The following IMMP2L variants were observed in gnomAD, a reference collection of about 807,000 sequenced individuals.
IMMP2L encodes the protein mitochondrial inner membrane protease subunit 2.
In IMMP2L, 18 loss-of-function variants were observed where a neutral mutation model predicts 19.3. The ratio of observed to expected loss-of-function variants is 0.93; its 90% CI spans 0.64 to 1.38. The LOEUF (loss-of-function observed/expected upper bound fraction) is 1.38, where lower values mean the gene tolerates loss of function less well. IMMP2L is among the 40% of genes most tolerant of loss of function. The pLI, the probability that IMMP2L is intolerant of heterozygous loss-of-function variation, is 0.00. For synonymous variants in IMMP2L, 76 were observed against 73.0 expected, an observed-to-expected ratio of 1.04 and a Z score of -0.21; for missense variants, 233 against 218.2, an observed-to-expected ratio of 1.07 and a Z score of -0.43.
intron 3 of IMMP2L, among the ~76,000 whole-genome samples, chr7:111,450,054 T>TA (rs1838960955): frequency 1.3e-5 from 2 of 151,320 alleles, no homozygotes; most frequent in South Asian, 4.2e-4. Flanking sequence ...CTCAAGGAAA[T>TA]AAAGGAGGAT....
intron 3 of IMMP2L, among the ~76,000 whole-genome samples, chr7:111,402,513 C>T (rs954126886): frequency 1.3e-5 from 2 of 151,958 alleles, no homozygotes; most frequent in African/African-American, 4.8e-5. Context: ...GAGTTCAAGA[C>T]CAGCCCAGGC....
chr7:111,290,827 A>AACACACACACAC (rs541375499), intron 3 of IMMP2L, among the ~76,000 whole-genome samples: 40 of 135,088 alleles, frequency 3.0e-4, no homozygotes, highest in African/African-American at 1.0e-3. Context: ...TATATATACA[A>AACACACACACAC]ACACACACAC....
Position 110,803,986 on chromosome 7 carries a change from T to TAACA in IMMP2L, c.408+82606_408+82607insTGTT, listed in dbSNP as rs1801437066. Reference sequence around the variant, plus strand: ...GTTTAAGAACAACTGGTAAAATGGGTACTTGAAAGATGAGAATGAGTTTAT... The same window carrying TAACA: ...GTTTAAGAACAACTGGTAAAATGGGTAACAACTTGAAAGATGAGAATGAGTTTAT... On this transcript the variant is annotated intron_variant, in intron 5 of 5. Coordinates refer to ENST00000405709, the MANE Select transcript of IMMP2L (RefSeq NM_032549.4). This position sits in a 1 kb window ranked among gnomAD's most constrained non-coding sequence, Gnocchi z 4.2. Among the ~76,000 whole-genome samples the TAACA allele has an allele frequency of 1.3e-5, 2 of 151,994 alleles. No homozygotes were observed. Among genetic ancestry groups the TAACA allele is most frequent in the Non-Finnish European group, 2.9e-5 (2 of 67,974 alleles).
At chr7:111,224,853 A>G (rs1424062255) in intron 3 of IMMP2L, among the ~76,000 whole-genome samples, 2 of 152,146 alleles carry the variant, frequency 1.3e-5, no homozygotes, top group African/African-American at 4.8e-5. Flanking sequence ...ACTGCCATGC[A>G]CTGTCATTAA....
chr7:111,138,001 G>GTT (rs577077886), intron 3 of IMMP2L, among the ~76,000 whole-genome samples: 3 of 151,818 alleles, frequency 2.0e-5, no homozygotes, highest in African/African-American at 7.3e-5. Flanking sequence ...ATTTTTGTGG[G>GTT]GTTTTTTTTG....
At chr7:111,554,178 C>T (rs1790991878) in intron 1 of IMMP2L, among the ~76,000 whole-genome samples, 1 of 152,108 alleles carries the variant, frequency 6.6e-6, no homozygotes, top group South Asian at 2.1e-4. Context: ...ACCTCATCCC[C>T]CAGATACTTG....
intron 3 of IMMP2L, among the ~76,000 whole-genome samples, chr7:111,088,673 T>C (rs999221562): frequency 6.6e-6 from 1 of 152,168 alleles, no homozygotes; most frequent in Non-Finnish European, 1.5e-5. Context: ...CACAATTGTA[T>C]TAATTCAAAA....
At chr7:111,026,731 T>A (rs1826866194) in intron 3 of IMMP2L, among the ~76,000 whole-genome samples, 1 of 152,166 alleles carries the variant, frequency 6.6e-6, no homozygotes, top group African/African-American at 2.4e-5. Context: ...AACATCTTTT[T>A]AAATTATTGA....
rs536220141 is a variant in IMMP2L at position 110,844,541 on chromosome 7, ATGCTAAGGTATT to A, written c.408+42040_408+42051del. On this transcript the variant is annotated intron_variant, in intron 5 of 5. Coordinates refer to ENST00000405709, the MANE Select transcript of IMMP2L (RefSeq NM_032549.4). ...TAACAAACGGATGGGGGTCTTTTATATGCTAAGGTATTTGCCCTTCATCCTATGGTTAATCAA... is the reference window on the plus strand; with the variant it reads ...TAACAAACGGATGGGGGTCTTTTATATGCCCTTCATCCTATGGTTAATCAA... Among the ~76,000 whole-genome samples the A allele has an allele frequency of 9.3e-3, 1,416 of 152,040 alleles. 17 individuals are homozygous for A. The highest frequency in any genetic ancestry group is 0.032 in the African/African-American group (1,309 of 41,472).
intron 5 of IMMP2L, among the ~76,000 whole-genome samples, chr7:110,875,099 C>CA (rs1207008465): frequency 6.6e-6 from 1 of 152,024 alleles, no homozygotes; most frequent in Non-Finnish European, 1.5e-5. Context: ...GGAGGGGATT[C>CA]AAAAAGTCAC....
intron 3 of IMMP2L, among the ~76,000 whole-genome samples, chr7:110,978,274 C>G (rs1297657528): frequency 1.3e-5 from 2 of 151,808 alleles, no homozygotes; most frequent in Non-Finnish European, 2.9e-5. Flanking sequence ...GGCTTTTATT[C>G]CAAGTACTTT....
At chr7:110,731,444 C>T (rs1796272668) in intron 5 of IMMP2L, among the ~76,000 whole-genome samples, 1 of 152,072 alleles carries the variant, frequency 6.6e-6, no homozygotes, top group Admixed American at 6.6e-5. Context: ...TATTATTCCC[C>T]CCATCATAAT....
intron 2 of IMMP2L, among the ~76,000 whole-genome samples, chr7:111,509,359 T>C (rs985668454): frequency 1.3e-5 from 2 of 152,146 alleles, no homozygotes; most frequent in South Asian, 4.1e-4. Flanking sequence ...ACTATGGGGC[T>C]CCTTATCCTT....
chr7:111,421,746 T>C (rs1261025351), intron 3 of IMMP2L, among the ~76,000 whole-genome samples: 3 of 151,838 alleles, frequency 2.0e-5, no homozygotes, highest in Non-Finnish European at 4.4e-5. Context: ...TTGTCTATTT[T>C]GGCTTTTGTT....
At chr7:111,440,432 A>G (rs1330442589) in intron 3 of IMMP2L, among the ~76,000 whole-genome samples, 2 of 151,924 alleles carry the variant, frequency 1.3e-5, no homozygotes, top group Non-Finnish European at 2.9e-5. Context: ...GTACATCTCC[A>G]TCAGAGCTCT....
Position 110,979,523 on chromosome 7 carries a change from G to T in IMMP2L, c.240-15958C>A, listed in dbSNP as rs567793654. 2.6e-5 allele frequency among the ~76,000 whole-genome samples: 4 copies of T among 152,154 alleles called. No homozygotes were observed. The South Asian group carries it at 8.3e-4, about 32-fold the overall frequency. ...CAGGTAGGACCAATGCAAATCAGAA[G>T]TGACAGCTTATCACAATTATCTAAA... On this transcript the variant is annotated intron_variant, in intron 3 of 5. Transcript: ENST00000405709.
chr7:111,157,836 C>G (rs929715230), intron 3 of IMMP2L, among the ~76,000 whole-genome samples: 1 of 151,604 alleles, frequency 6.6e-6, no homozygotes, highest in African/African-American at 2.4e-5. Context: ...ATCTCATGTG[C>G]CCCCTAAATA....
At chr7:110,829,628 C>T (rs1473778199) in intron 5 of IMMP2L, among the ~76,000 whole-genome samples, 1 of 152,092 alleles carries the variant, frequency 6.6e-6, no homozygotes, top group African/African-American at 2.4e-5. Flanking sequence ...AAACCCCAAG[C>T]ATCTGTGAAT....
At chr7:110,938,630 C>T (rs572749440) in intron 4 of IMMP2L, among the ~76,000 whole-genome samples, 5 of 152,102 alleles carry the variant, frequency 3.3e-5, no homozygotes, top group Non-Finnish European at 5.9e-5. Flanking sequence ...TGATCTTGTG[C>T]ACAATATTCA....
Sources: gnomAD v4.1 joint callset for allele counts (sites outside exome capture counted in the v4.1 genomes callset) on GRCh38, gnomAD v4.1.1 for gene constraint, Gnocchi (gnomAD v3.1) non-coding constraint, MANE v1.5 for transcripts, NCBI Gene and HGNC (gene_info 2026-07-23, HGNC 2026-07-21) for gene names.